Variants in PUM1 observed in about 807,000 individuals in gnomAD.
The protein encoded by PUM1 is pumilio homolog 1.
In PUM1, 13 loss-of-function variants were observed where a neutral mutation model predicts 131.8. The observed-to-expected ratio is 0.10, with a 90% CI of 0.06 to 0.16. PUM1 has a LOEUF of 0.16. Among genes scored for constraint, PUM1 ranks in the 10% least tolerant of loss-of-function variants. The pLI is 1.00. For missense variants in PUM1, 961 were observed against 1,512.4 expected (o/e 0.64, Z 6.05); for synonymous variants, 509 against 556.5 (o/e 0.91, Z 1.20).
At chr1:30,973,244 G>A (rs1384573631) in intron 10 of PUM1, among the ~76,000 whole-genome samples, 1 of 132,922 alleles carries the variant, frequency 7.5e-6, no homozygotes, top group Non-Finnish European at 1.5e-5. Flanking sequence ...CTGTAATTGT[G>A]TGGAATCTAA....
At chr1:31,000,029 T>A (rs1029370680) in intron 5 of PUM1, among the ~76,000 whole-genome samples, 1 of 152,214 alleles carries the variant, frequency 6.6e-6, no homozygotes, top group Admixed American at 6.5e-5. Context: ...AATTCACAGG[T>A]GGCTGGGCCC....
chr1:30,986,223 G>A (rs1357407207), intron 7 of PUM1, among the ~76,000 whole-genome samples: 3 of 152,116 alleles, frequency 2.0e-5, no homozygotes, highest in African/African-American at 7.2e-5. Flanking sequence ...CCAAAGCGCT[G>A]GGATTACAGG....
At chr1:30,943,534 G>T (rs937302197) in intron 18 of PUM1, among the ~76,000 whole-genome samples, 2 of 152,166 alleles carry the variant, frequency 1.3e-5, no homozygotes, top group African/African-American at 4.8e-5. Flanking sequence ...TTACAGGTGT[G>T]AACCACCGTG....
chr1:30,964,444 C>T (rs1319833026), intron 14 of PUM1, among the ~76,000 whole-genome samples: 2 of 152,112 alleles, frequency 1.3e-5, no homozygotes, highest in Non-Finnish European at 2.9e-5. Context: ...AATGTTCATA[C>T]TAAAGCTAAC....
chr1:30,974,045 A>T (rs1641038805), intron 10 of PUM1, among the ~76,000 whole-genome samples: 1 of 151,744 alleles, frequency 6.6e-6, no homozygotes. Context: ...CTGAGATTGC[A>T]CCACGGCATT....
chr1:31,027,347 A>C (rs764987610), intron 3 of PUM1, among the ~76,000 whole-genome samples: 1 of 152,242 alleles, frequency 6.6e-6, no homozygotes, highest in Non-Finnish European at 1.5e-5. Context: ...GCTTAGAATT[A>C]TAGGAGTAAG....
intron 2 of PUM1, chr1:31,050,950 C>A: frequency 5.4e-6 from 1 of 185,436 alleles, no homozygotes; most frequent in South Asian, 9.5e-5. Context: ...ATGCTCAGAC[C>A]AGCAAGATCT....
rs72659204 is a variant in PUM1 at position 31,005,659 on chromosome 1, A to G, written c.720+194T>C. Reference sequence around the variant, plus strand: ...CAAAACATTATTACTTTAGTTTTTAAAAGTTGAGTTTACATCTCCTACTAT... The same window carrying G: ...CAAAACATTATTACTTTAGTTTTTAGAAGTTGAGTTTACATCTCCTACTAT... On this transcript the variant is annotated intron_variant, in intron 5 of 21. Coordinates refer to ENST00000426105, the MANE Select transcript of PUM1 (RefSeq NM_001020658.2). Among the ~76,000 whole-genome samples, 10,944 of 152,264 alleles carry G rather than the reference A, an allele frequency of 0.072. 652 individuals are homozygous for G. The highest frequency in any genetic ancestry group is 0.28 in the East Asian group (1,472 of 5,180).
intron 2 of PUM1, among the ~76,000 whole-genome samples, chr1:31,038,776 G>A (rs1643699887): frequency 6.6e-6 from 1 of 151,078 alleles, no homozygotes; most frequent in Non-Finnish European, 1.5e-5. Flanking sequence ...CCTTTGATCT[G>A]GTAATTCCAC....
At chr1:31,035,925 T>C (rs1643595863) in intron 2 of PUM1, among the ~76,000 whole-genome samples, 1 of 152,224 alleles carries the variant, frequency 6.6e-6, no homozygotes, top group South Asian at 2.1e-4. Flanking sequence ...ATATCATTTA[T>C]TAACTGTCAA....
chr1:31,060,902 AT>A (rs531081506), intron 1 of PUM1, among the ~76,000 whole-genome samples: 345 of 151,304 alleles, frequency 2.3e-3, no homozygotes, highest in South Asian at 0.012. Context: ...AAAAAAAAAA[AT>A]AATAAATAAA....
chr1:31,062,570 A>T (rs896886818), intron 1 of PUM1, among the ~76,000 whole-genome samples: 4 of 151,110 alleles, frequency 2.6e-5, no homozygotes, highest in African/African-American at 9.7e-5. Context: ...CAGTGAGCCG[A>T]GATCAAGGCA....
At chr1:30,962,203 T>C (rs1306240592) in intron 14 of PUM1, among the ~76,000 whole-genome samples, 6 of 152,186 alleles carry the variant, frequency 3.9e-5, no homozygotes, top group East Asian at 3.9e-4. Context: ...AGAGAAGTTA[T>C]GTTAAACATA....
At chr1:30,945,578 A>C in intron 17 of PUM1, 95 bp from the exon 18 acceptor site, 1 of 1,333,244 alleles carries the variant, frequency 7.5e-7, no homozygotes, top group Non-Finnish European at 1.0e-6. Flanking sequence ...ACTACTGAAC[A>C]GAGAATCTGT....
At chr1:31,031,722 G>T (rs1643437836) in intron 2 of PUM1, among the ~76,000 whole-genome samples, 1 of 152,148 alleles carries the variant, frequency 6.6e-6, no homozygotes, top group Non-Finnish European at 1.5e-5. Context: ...TCTTGGTCTT[G>T]CCTTTGCTTT....
chr1:31,036,678 C>T (rs1447640923), intron 2 of PUM1: 1 of 152,360 alleles, frequency 6.6e-6, no homozygotes, highest in Admixed American at 6.5e-5. Context: ...TGGGGAGCAG[C>T]TTAGTGTTCT....
chr1:30,992,186 G>A (rs1486537003), intron 7 of PUM1, among the ~76,000 whole-genome samples: 3 of 152,144 alleles, frequency 2.0e-5, no homozygotes, highest in African/African-American at 7.2e-5. Context: ...TACAGAGGAC[G>A]GTGGCCTCTT....
intron 14 of PUM1, among the ~76,000 whole-genome samples, chr1:30,960,652 T>C (rs1640366236): frequency 6.6e-6 from 1 of 152,134 alleles, no homozygotes; most frequent in African/African-American, 2.4e-5. Context: ...TGTAATAGCA[T>C]CAAAAATATA....
chr1:30,984,323 A>T (rs1193494986), intron 7 of PUM1, among the ~76,000 whole-genome samples: 1 of 152,184 alleles, frequency 6.6e-6, no homozygotes, highest in Non-Finnish European at 1.5e-5. Context: ...GAGTATTCAA[A>T]ACAAATTGGG....
Sources: gnomAD v4.1 joint callset for allele counts (sites outside exome capture counted in the v4.1 genomes callset) on GRCh38, gnomAD v4.1.1 for gene constraint, MANE v1.5 for transcripts, NCBI Gene and HGNC (gene_info 2026-07-23, HGNC 2026-07-21) for gene names.